CUBN: variants seen among roughly 807,000 people sequenced by gnomAD.
CUBN encodes 460 kDa receptor.
In CUBN, 282 loss-of-function variants were observed where a neutral mutation model predicts 405.3. That is an observed-to-expected ratio of 0.70 (90% CI 0.63 to 0.77). The LOEUF (loss-of-function observed/expected upper bound fraction) is 0.77. Ranked by LOEUF, CUBN falls within the 30% of genes least tolerant of loss-of-function variation. The pLI, the probability that CUBN is intolerant of heterozygous loss-of-function variation, is 0.00. For missense variants in CUBN, 4,514 were observed against 4,475.2 expected (o/e 1.01, Z -0.25); for synonymous variants, 1,684 against 1,617.0 (o/e 1.04, Z -0.99).
At chr10:16,883,116 T>A (rs1427304494) in intron 56 of CUBN, among the ~76,000 whole-genome samples, 1 of 151,116 alleles carries the variant, frequency 6.6e-6, no homozygotes, top group Admixed American at 6.6e-5. Context: ...AAGAAAGAAA[T>A]GGGTTCTAGG....
Position 17,115,451 on chromosome 10 carries a change from C to T in CUBN, c.720+20G>A, listed in dbSNP as rs374682404. 1.3e-4 allele frequency: 203 copies of T among 1,613,314 alleles called. No homozygotes were observed. The highest frequency in any genetic ancestry group is 1.6e-4 in the Non-Finnish European group (190 of 1,179,862). On this transcript the variant is annotated intron_variant, in intron 7 of 66. Coordinates refer to ENST00000377833, the MANE Select transcript of CUBN (RefSeq NM_001081.4). ...AACCATGGCTCTCTGCAAGGAGGCA[C>T]ATTTGGGGAAGGGACCCACCTCTCC... is the stretch of plus-strand genomic sequence containing the variant.
chr10:16,867,383 CT>C (rs1190922787), intron 59 of CUBN, among the ~76,000 whole-genome samples: 1 of 152,186 alleles, frequency 6.6e-6, no homozygotes, highest in East Asian at 1.9e-4. Context: ...TTCCTTCCCC[CT>C]CTCCTCACTA....
chr10:16,981,976 A>C (rs1326785135), intron 31 of CUBN, among the ~76,000 whole-genome samples: 1 of 152,218 alleles, frequency 6.6e-6, no homozygotes, highest in African/African-American at 2.4e-5. Context: ...AAAATCCCAG[A>C]TGCTTAATAA....
Position 16,931,217 on chromosome 10 carries a change from T to TA in CUBN, c.6124+1869dup, listed in dbSNP as rs1194849239. Reference sequence around the variant, plus strand: ...AGGCAGAGTTTGCAGTGAGCCAAGATAGCGCCACTGCAGTCCGGCCTGGAC... The same window carrying TA: ...AGGCAGAGTTTGCAGTGAGCCAAGATAAGCGCCACTGCAGTCCGGCCTGGAC... On this transcript the variant is annotated intron_variant, in intron 40 of 66. Transcript: ENST00000377833. Among the ~76,000 whole-genome samples the TA allele has an allele frequency of 2.7e-5, 4 of 150,272 alleles. No individual in the cohort carries two copies. The East Asian group carries it at 7.9e-4, about 29-fold the overall frequency.
At chr10:16,865,255 C>A (rs1210203671) in intron 59 of CUBN, among the ~76,000 whole-genome samples, 1 of 152,092 alleles carries the variant, frequency 6.6e-6, no homozygotes, top group Non-Finnish European at 1.5e-5. Context: ...CAGGCGTGAG[C>A]CACCGTGCCC....
chr10:16,983,712 C>T (rs780693148), intron 30 of CUBN, among the ~76,000 whole-genome samples: 10 of 152,162 alleles, frequency 6.6e-5, no homozygotes, highest in Non-Finnish European at 1.5e-4. Flanking sequence ...AGAAAGTCAC[C>T]ATAGAACACA....
At chr10:16,962,378 G>A (rs1196705154) in intron 31 of CUBN, among the ~76,000 whole-genome samples, 2 of 151,832 alleles carry the variant, frequency 1.3e-5, no homozygotes, top group Non-Finnish European at 2.9e-5. Context: ...GTGGGGTGGG[G>A]GTTGTCCAGA....
Position 16,901,918 on chromosome 10 carries a change from T to TATACAC in CUBN, c.8063-460_8063-459insGTGTAT, listed in dbSNP as rs1236540013. On this transcript the variant is annotated intron_variant, in intron 51 of 66. Transcript: ENST00000377833. ...ATATATATATATATATATATATATA[T>TATACAC]ACACACACACACACACACCATATAT... 3.1e-3 allele frequency among the ~76,000 whole-genome samples: 339 copies of TATACAC among 109,846 alleles called. 1 individual carries two copies. The highest frequency in any genetic ancestry group is 0.012 in the African/African-American group (316 of 26,762). 72.1% of individuals were successfully genotyped at this position (109,846 alleles called of 152,430 possible).
intron 53 of CUBN, 98 bp from the exon 54 acceptor site, chr10:16,899,281 C>A: frequency 1.1e-6 from 1 of 911,776 alleles, no homozygotes. Context: ...TGTGAGATTT[C>A]AATTCATCAT....
At chr10:16,901,966 A>T (rs1259830201) in intron 51 of CUBN, among the ~76,000 whole-genome samples, 2 of 138,114 alleles carry the variant, frequency 1.4e-5, no homozygotes, top group Non-Finnish European at 3.1e-5. Flanking sequence ...TATACACCAT[A>T]TATAGTGTGT....
At chr10:17,011,707 A>C (rs1426798393) in intron 28 of CUBN, among the ~76,000 whole-genome samples, 1 of 151,968 alleles carries the variant, frequency 6.6e-6, no homozygotes, top group African/African-American at 2.4e-5. Context: ...CATTTTACAG[A>C]GCGCAGATTG....
At chr10:16,973,846 A>G (rs991353046) in intron 31 of CUBN, among the ~76,000 whole-genome samples, 2 of 152,182 alleles carry the variant, frequency 1.3e-5, no homozygotes, top group Non-Finnish European at 2.9e-5. Flanking sequence ...GCTGTGTCAC[A>G]TTCCCTGGTG....
chr10:16,991,479 G>A (rs770632156), intron 28 of CUBN, among the ~76,000 whole-genome samples: 5 of 152,158 alleles, frequency 3.3e-5, no homozygotes, highest in Non-Finnish European at 5.9e-5. Flanking sequence ...ATTTCAGTAT[G>A]GAGAGGAAGA....
chr10:17,052,931 C>T (rs1297452887), intron 22 of CUBN, among the ~76,000 whole-genome samples: 1 of 151,762 alleles, frequency 6.6e-6, no homozygotes, highest in Admixed American at 6.6e-5. Flanking sequence ...CAGTATTTCA[C>T]TTGTGAAGTA....
intron 31 of CUBN, among the ~76,000 whole-genome samples, chr10:16,968,435 AG>A (rs1297480759): frequency 1.3e-5 from 2 of 152,120 alleles, no homozygotes; most frequent in Non-Finnish European, 2.9e-5. Context: ...TTTTGGTACC[AG>A]GCTCTGTTAG....
chr10:17,126,650 A>G, intron 4 of CUBN, 111 bp downstream of exon 4: 1 of 1,211,508 alleles, frequency 8.3e-7, no homozygotes, highest in Admixed American at 1.7e-5. Flanking sequence ...GGAAAAAGCA[A>G]GTTTTTAATA....
Position 16,939,000 on chromosome 10 carries a change from A to G in CUBN, c.5696T>C (p.Ile1899Thr), listed in dbSNP as rs1208419548. 7 of 1,613,838 alleles carry G rather than the reference A, an allele frequency of 4.3e-6. No homozygotes were observed. The highest frequency in any genetic ancestry group is 1.7e-4 in the Middle Eastern group (1 of 6,060). ...VVHGRILEMD[I>T]EEIQNCYYDK... is the part of the protein sequence containing the mutation. ...ATAATAGCAGTTTTGTATTTCTTCT[A>G]TGTCCATCTCCAAGATTCTACCATG... Residue 1899 changes from isoleucine (I) to threonine (T), a missense_variant, in exon 38 of 67, where the codon ATA becomes ACA. Physicochemically the swap from Ile to Thr is moderately conservative, Grantham distance 89. Around this residue, in one of 5 missense-constraint regions of CUBN, gnomAD observed 1,613 missense variants for 1,542.8 expected, o/e 1.05. Transcript: ENST00000377833.
At chr10:16,888,393 AT>A in intron 56 of CUBN, 23 bp downstream of exon 56, 1 of 1,596,192 alleles carries the variant, frequency 6.3e-7, no homozygotes, top group Non-Finnish European at 8.6e-7. Context: ...ATTAAACGTA[AT>A]TTTTTTAAAA....
At chr10:17,071,281 C>T in intron 19 of CUBN, 145 bp downstream of exon 19, 1 of 804,966 alleles carries the variant, frequency 1.2e-6, no homozygotes, top group East Asian at 2.7e-5. Context: ...CAGTATTTTG[C>T]TGAGGATTTT....
Sources: allele counts gnomAD v4.1 joint callset (sites outside exome capture counted in the v4.1 genomes callset), GRCh38; gene constraint gnomAD v4.1.1; regional missense constraint gnomAD v4.1.1; transcripts MANE v1.5; gene names NCBI Gene and HGNC (gene_info 2026-07-23, HGNC 2026-07-21).